SGMS1: variants seen among roughly 807,000 people sequenced by gnomAD.
The protein encoded by SGMS1 is sphingomyelin synthase 1.
Under a neutral mutation model 46.2 loss-of-function variants are expected in SGMS1, and 13 were observed. The ratio of observed to expected loss-of-function variants is 0.28; its 90% confidence interval spans 0.18 to 0.45. SGMS1 has a LOEUF of 0.45. Ranked by LOEUF, SGMS1 falls within the 20% of genes least tolerant of loss-of-function variation. The pLI is 1.00. For missense variants in SGMS1, 324 were observed against 519.9 expected, an observed-to-expected ratio of 0.62 and a Z score of 3.66; for synonymous variants, 203 against 187.8, an observed-to-expected ratio of 1.08 and a Z score of -0.66.
intron 7 of SGMS1, chr10:50,335,061 T>C (rs1050273795): frequency 2.6e-5 from 4 of 152,142 alleles, no homozygotes; most frequent in African/African-American, 9.7e-5. Flanking sequence ...GACACTGGCT[T>C]TAATGCCATA....
At chr10:50,402,437 G>A (rs1475303596) in intron 6 of SGMS1, among the ~76,000 whole-genome samples, 2 of 152,104 alleles carry the variant, frequency 1.3e-5, no homozygotes, top group Admixed American at 6.5e-5. Flanking sequence ...CAAGAAAAAG[G>A]GGCCACGATC....
At chr10:50,512,572 G>GGGCT (rs1404441282) in intron 3 of SGMS1, among the ~76,000 whole-genome samples, 1 of 152,150 alleles carries the variant, frequency 6.6e-6, no homozygotes, top group Non-Finnish European at 1.5e-5. Flanking sequence ...CAGTCCATGA[G>GGGCT]GGCTGGGTCC....
rs970729362 is a variant in SGMS1 at position 50,344,215 on chromosome 10, T to C, written c.-101A>G. ...CTGTCCTGCCTCGGCTCGTTCATCC[T>C]GTGGGGCCTCATGAGCAGAGACTTG... is the stretch of plus-strand genomic sequence containing the variant. On this transcript the variant is annotated 5_prime_UTR_variant, in exon 7 of 11. Transcript: ENST00000361781. The C allele has an allele frequency of 1.3e-5, 19 of 1,452,818 alleles. No homozygotes were observed. The highest frequency in any genetic ancestry group is 2.5e-4 in the Middle Eastern group (1 of 4,060). 90.0% of individuals were successfully genotyped at this position (1,452,818 alleles called of 1,614,324 possible).
intron 2 of SGMS1, among the ~76,000 whole-genome samples, chr10:50,575,939 T>C (rs1838381396): frequency 6.6e-6 from 1 of 152,106 alleles, no homozygotes; most frequent in South Asian, 2.1e-4. Flanking sequence ...CCCAGAGCTG[T>C]TTTACTCCCA....
At chr10:50,324,704 T>A (rs1280975928) in intron 8 of SGMS1, among the ~76,000 whole-genome samples, 3 of 152,204 alleles carry the variant, frequency 2.0e-5, no homozygotes, top group African/African-American at 7.2e-5. Flanking sequence ...GTTAACAAGC[T>A]AAAATTGAAT....
At chr10:50,395,581 G>A (rs902299669) in intron 6 of SGMS1, among the ~76,000 whole-genome samples, 1 of 152,174 alleles carries the variant, frequency 6.6e-6, no homozygotes, top group African/African-American at 2.4e-5. Flanking sequence ...TGAAACTGGA[G>A]TCTGGAAAGA....
At chr10:50,601,447 T>G (rs1371717598) in intron 1 of SGMS1, among the ~76,000 whole-genome samples, 1 of 152,234 alleles carries the variant, frequency 6.6e-6, no homozygotes, top group Non-Finnish European at 1.5e-5. Context: ...CAAATTTCCA[T>G]AGACAAGAGG....
At chr10:50,563,763 A>G (rs1016494988) in intron 2 of SGMS1, among the ~76,000 whole-genome samples, 2 of 151,486 alleles carry the variant, frequency 1.3e-5, no homozygotes, top group African/African-American at 2.4e-5. Context: ...AAAAAAAAAA[A>G]AAAGAAACTC....
chr10:50,583,210 T>C (rs1053885726), intron 2 of SGMS1, among the ~76,000 whole-genome samples: 4 of 152,192 alleles, frequency 2.6e-5, no homozygotes, highest in Non-Finnish European at 5.9e-5. Context: ...CCAGAATCCA[T>C]GTTTTTAATC....
chr10:50,394,291 C>G (rs1163278989), intron 6 of SGMS1, among the ~76,000 whole-genome samples: 1 of 152,170 alleles, frequency 6.6e-6, no homozygotes, highest in African/African-American at 2.4e-5. Context: ...GCGTTTGTGT[C>G]GTGTTTCCTA....
chr10:50,608,250 C>T (rs191915293), intron 1 of SGMS1, among the ~76,000 whole-genome samples: 3 of 151,862 alleles, frequency 2.0e-5, no homozygotes, highest in African/African-American at 7.3e-5. Context: ...GAGATATACA[C>T]CAAAATGATA....
At chr10:50,586,411 G>C (rs1047899794) in intron 2 of SGMS1, among the ~76,000 whole-genome samples, 8 of 152,232 alleles carry the variant, frequency 5.3e-5, no homozygotes, top group Non-Finnish European at 1.0e-4. Context: ...GGCTTCCGGG[G>C]ATGTGGCCCA....
intron 1 of SGMS1, among the ~76,000 whole-genome samples, chr10:50,619,227 G>A (rs1421888197): frequency 1.3e-5 from 2 of 152,040 alleles, no homozygotes; most frequent in African/African-American, 4.8e-5. Flanking sequence ...TAGGGAAATG[G>A]GTAAGTAAAA....
chr10:50,557,575 G>A (rs1435830741), intron 2 of SGMS1, among the ~76,000 whole-genome samples: 1 of 145,224 alleles, frequency 6.9e-6, no homozygotes, highest in African/African-American at 2.5e-5. Flanking sequence ...CTTTTAAAAG[G>A]AAAATATGCT....
chr10:50,593,660 CA>C (rs1199929044), intron 1 of SGMS1, among the ~76,000 whole-genome samples: 5 of 152,044 alleles, frequency 3.3e-5, no homozygotes, highest in African/African-American at 1.2e-4. Flanking sequence ...TATGTGCTAT[CA>C]ATATGTTGTT....
chr10:50,363,190 G>C (rs1848280654), intron 6 of SGMS1, among the ~76,000 whole-genome samples: 1 of 151,972 alleles, frequency 6.6e-6, no homozygotes, highest in South Asian at 2.1e-4. Context: ...TTAAAAAAAG[G>C]GACAAGAAAT....
chr10:50,443,385 A>AC (rs1282781216), intron 5 of SGMS1, among the ~76,000 whole-genome samples: 3 of 152,162 alleles, frequency 2.0e-5, no homozygotes, highest in African/African-American at 7.2e-5. Flanking sequence ...AACAACAACA[A>AC]AAAAGTTTCT....
intron 7 of SGMS1, 38 bp downstream of exon 7, chr10:50,343,454 C>T: frequency 6.5e-7 from 1 of 1,528,602 alleles, no homozygotes; most frequent in Non-Finnish European, 8.8e-7. Flanking sequence ...AGTGCAAATC[C>T]CATAATCATT....
intron 6 of SGMS1, among the ~76,000 whole-genome samples, chr10:50,387,437 C>CTA (rs1275062145): frequency 6.6e-6 from 1 of 152,170 alleles, no homozygotes; most frequent in East Asian, 1.9e-4. Context: ...TTACCTTACG[C>CTA]TATCTCTTTT....
Sources: gnomAD v4.1 joint callset for allele counts (sites outside exome capture counted in the v4.1 genomes callset) on GRCh38, gnomAD v4.1.1 for gene constraint, MANE v1.5 for transcripts, NCBI Gene and HGNC (gene_info 2026-07-23, HGNC 2026-07-21) for gene names.